The following EIF1AX variants were observed in gnomAD, a reference collection of about 807,000 sequenced individuals.
EIF1AX encodes eukaryotic translation initiation factor 1A, X-chromosomal.
Under a neutral mutation model 16.1 loss-of-function variants are expected in EIF1AX, and 1 was observed. The ratio of observed to expected loss-of-function variants is 0.06; its 90% CI spans 0.02 to 0.30. EIF1AX has a LOEUF of 0.30. EIF1AX is among the 10% of genes least tolerant of loss of function. The pLI is 1.00. For synonymous variants in EIF1AX, 32 were observed against 37.3 expected, an observed-to-expected ratio of 0.86 and a Z score of 0.51; for missense variants, 11 against 109.1, an observed-to-expected ratio of 0.10 and a Z score of 4.00.
At chrX:20,141,520 G>A (rs2067034098) in intron 1 of EIF1AX, 105 bp downstream of exon 1, 2 of 982,672 alleles carry the variant, frequency 2.0e-6, no homozygotes, top group Non-Finnish European at 2.7e-6. Context: ...AGGCAGGGCG[G>A]GAAGGAAAAA....
chrX:20,139,201 C>T (rs374726292), intron 1 of EIF1AX, among the ~76,000 whole-genome samples: 1 of 111,499 alleles, frequency 9.0e-6, no homozygotes, highest in Non-Finnish European at 1.9e-5. Flanking sequence ...CTAGCCTGGG[C>T]AACATAGCGA....
intron 1 of EIF1AX, 83 bp downstream of exon 1, chrX:20,141,542 G>A: frequency 9.2e-7 from 1 of 1,086,488 alleles, no homozygotes; most frequent in African/African-American, 1.9e-5. Flanking sequence ...GGTCACTGCG[G>A]CCTGGGTGAC....
At chrX:20,137,370 C>T (rs1233978809) in intron 2 of EIF1AX, among the ~76,000 whole-genome samples, 3 of 110,678 alleles carry the variant, frequency 2.7e-5, no homozygotes, top group Admixed American at 9.6e-5. Context: ...GGCGTGAACC[C>T]GGGAGGTGGA....
chrX:20,130,653 C>T (rs2066998646), intron 5 of EIF1AX, 46 bp from the exon 6 acceptor site: 1 of 1,097,131 alleles, frequency 9.1e-7, no homozygotes, highest in Non-Finnish European at 1.2e-6. Context: ...CTGTAATTTA[C>T]TCAAAGTTTC....
At chrX:20,133,888 C>T in intron 4 of EIF1AX, 69 bp downstream of exon 4, 1 of 875,695 alleles carries the variant, frequency 1.1e-6, no homozygotes, top group Non-Finnish European at 1.6e-6. Context: ...TGAAACAAAA[C>T]TGGCTCTTAA....
intron 1 of EIF1AX, chrX:20,140,145 C>G (rs917628570): frequency 4.5e-5 from 5 of 112,139 alleles, no homozygotes; most frequent in Admixed American, 2.8e-4. Context: ...AGACATGAGG[C>G]TAGGGAACTA....
chrX:20,132,336 A>G (rs1254504596), intron 4 of EIF1AX, 73 bp from the exon 5 acceptor site: 1 of 675,430 alleles, frequency 1.5e-6, no homozygotes, highest in African/African-American at 2.2e-5. Context: ...AAATTCTCAT[A>G]TTGAATAAAC....
Position 20,139,843 on chromosome X carries a change from T to C in EIF1AX, c.17-1221A>G, listed in dbSNP as rs372149169. 7 of 112,501 alleles carry C rather than the reference T, an allele frequency of 6.2e-5. No homozygotes were observed. The East Asian group carries it at 1.9e-3, about 31-fold the overall frequency. 9.3% of individuals were successfully genotyped at this position (112,501 alleles called of 1,213,427 possible). A position where few individuals can be genotyped will look rare whatever the true frequency, so the allele number is the denominator to read the frequency against. On this transcript the variant is annotated intron_variant, in intron 1 of 6. Coordinates refer to ENST00000379607, the MANE Select transcript of EIF1AX (RefSeq NM_001412.4). ...AAAGGTGATTAGGGCTTTACCTCAA[T>C]CTGCGCTGTAATTCTTAAATTCAGA...
intron 5 of EIF1AX, 92 bp downstream of exon 5, chrX:20,132,090 G>T: frequency 1.5e-6 from 1 of 681,669 alleles, no homozygotes; most frequent in Non-Finnish European, 2.2e-6. Flanking sequence ...GAGCACTAAA[G>T]TAAATAAGCA....
In EIF1AX at chrX:20,126,389, G is replaced by A. The variant is rs1190253636; in HGVS notation, c.*1917C>T. The A allele has an allele frequency of 1.3e-4, 16 of 123,663 alleles. No individual in the cohort carries two copies. The highest frequency in any genetic ancestry group is 2.3e-4 in the Non-Finnish European group (15 of 64,025). 10.2% of individuals were successfully genotyped at this position (123,663 alleles called of 1,213,427 possible). A position where few individuals can be genotyped will look rare whatever the true frequency, so the allele number is the denominator to read the frequency against. On this transcript the variant is annotated 3_prime_UTR_variant, in exon 7 of 7. Coordinates refer to ENST00000379607, the MANE Select transcript of EIF1AX (RefSeq NM_001412.4). The stretch of plus-strand genomic sequence containing the variant: ...CCTAGGATTTAACAGCCCAAGATTG[G>A]GCTGTTACTACCTCAGCAAGAACAA...
intron 4 of EIF1AX, among the ~76,000 whole-genome samples, chrX:20,132,496 C>T (rs1036434987): frequency 5.4e-5 from 6 of 111,580 alleles, no homozygotes; most frequent in East Asian, 5.6e-4. Flanking sequence ...ATAGAGATCT[C>T]ACTTTAATAA....
chrX:20,141,484 C>G, intron 1 of EIF1AX, 141 bp downstream of exon 1: 1 of 712,033 alleles, frequency 1.4e-6, no homozygotes, highest in Non-Finnish European at 2.0e-6. Flanking sequence ...AGCTCAGAGT[C>G]GCGTGTGGGG....
intron 2 of EIF1AX, among the ~76,000 whole-genome samples, chrX:20,138,019 TTTTGA>T (rs1332767375): frequency 1.2e-5 from 1 of 82,788 alleles, no homozygotes. Flanking sequence ...TTTTTTTTTT[TTTTGA>T]GACAGAGTCT....
chrX:20,139,851 G>A (rs2067028623), intron 1 of EIF1AX: 1 of 112,361 alleles, frequency 8.9e-6, no homozygotes, highest in Non-Finnish European at 1.9e-5. Context: ...AATCTGCGCT[G>A]TAATTCTTAA....
intron 2 of EIF1AX, chrX:20,136,120 CT>C: frequency 3.4e-6 from 1 of 294,821 alleles, no homozygotes; most frequent in South Asian, 4.3e-5. Context: ...GTCGTAAAAC[CT>C]TTACATCATT....
rs72040979 is a variant in EIF1AX, at chrX:20,137,994, GTTTTTTTTTTTTT to G, written c.100+532_100+544del. ...CATATGAAGACCTCATCTCTATACA[GTTTTTTTTTTTTT>G]TTTTTTTTTTTTTTTGAGACAGAGT... On this transcript the variant is annotated intron_variant, in intron 2 of 6. Coordinates refer to ENST00000379607, the MANE Select transcript of EIF1AX (RefSeq NM_001412.4). 9.4e-3 allele frequency among the ~76,000 whole-genome samples: 347 copies of G among 36,812 alleles called. 1 individual carries two copies. Among genetic ancestry groups the G allele is most frequent in the South Asian group, 0.024 (7 of 295 alleles). 32.0% of individuals were successfully genotyped at this position (36,812 alleles called of 115,157 possible). A position where few individuals can be genotyped will look rare whatever the true frequency, so the allele number is the denominator to read the frequency against.
At chrX:20,130,782 G>C (rs2066999096) in intron 5 of EIF1AX, among the ~76,000 whole-genome samples, 175 bp from the exon 6 acceptor site, 1 of 112,021 alleles carries the variant, frequency 8.9e-6, no homozygotes, top group Admixed American at 9.5e-5. Context: ...ATTTTCTTTT[G>C]TTTGCAAAGG....
At chrX:20,140,762 TTTC>T (rs1473706174) in intron 1 of EIF1AX, among the ~76,000 whole-genome samples, 2 of 112,095 alleles carry the variant, frequency 1.8e-5, no homozygotes, top group African/African-American at 6.5e-5. Flanking sequence ...CTTGCACAAT[TTTC>T]TTCAAGTTAT....
intron 2 of EIF1AX, among the ~76,000 whole-genome samples, chrX:20,137,402 C>T (rs1056761979): frequency 1.2e-4 from 13 of 110,448 alleles, no homozygotes; most frequent in Non-Finnish European, 1.9e-4. Context: ...GCCGAGATCG[C>T]GCCACTGCAC....
Sources: gnomAD v4.1 joint callset for allele counts (sites outside exome capture counted in the v4.1 genomes callset) on GRCh38, gnomAD v4.1.1 for gene constraint, MANE v1.5 for transcripts, NCBI Gene and HGNC (gene_info 2026-07-23, HGNC 2026-07-21) for gene names.